Variants in PRDM1 observed in about 807,000 individuals in gnomAD.
PRDM1 encodes the protein PR/SET domain 1, also known as PR domain zinc finger protein 1.
A neutral mutation model predicts 62.8 loss-of-function variants in PRDM1; 13 were observed. That is an observed-to-expected ratio of 0.21 (90% CI 0.13 to 0.33). The LOEUF (loss-of-function observed/expected upper bound fraction) is 0.33, where lower values mean the gene tolerates loss of function less well. Ranked by LOEUF, PRDM1 falls within the 10% of genes least tolerant of loss-of-function variation. The probability of loss-of-function intolerance (pLI) is 1.00; values close to 1 mark genes in which losing one functional copy is unlikely to be tolerated. For missense variants in PRDM1, 895 were observed against 1,058.8 expected (o/e 0.85, Z 2.15); for synonymous variants, 396 against 417.6 (o/e 0.95, Z 0.63).
chr6:106,102,875 T>C (rs901537804), intron 4 of PRDM1, among the ~76,000 whole-genome samples: 5 of 152,214 alleles, frequency 3.3e-5, no homozygotes, highest in African/African-American at 1.2e-4. Context: ...TGACCCTATA[T>C]AGATGTTTCC....
At position 106,022,150 on chromosome 6, in the gene PRDM1, T is replaced by G. The variant is rs115382304; in HGVS notation, c.-67+28511T>G. On this transcript the variant is annotated intron_variant, in intron 1 of 6. Transcript: ENST00000652320. ...TGGTACTTCCATTGAAAGAGCAAGC[T>G]GTTCTAGCAGAATTCGAAATGTGAG... Among the ~76,000 whole-genome samples the G allele has an allele frequency of 8.2e-3, 1,251 of 152,344 alleles. 21 individuals carry two copies. The highest frequency in any genetic ancestry group is 0.029 in the African/African-American group (1,208 of 41,584).
At chr6:106,044,578 A>G (rs1215607928), upstream of PRDM1, among the ~76,000 whole-genome samples, 1 of 152,216 alleles carries the variant, frequency 6.6e-6, no homozygotes, top group East Asian at 1.9e-4. Flanking sequence ...GTCTTTTACC[A>G]GTGCTTCCTG....
intron 2 of PRDM1, among the ~76,000 whole-genome samples, chr6:106,094,840 C>A (rs1026566244): frequency 6.6e-6 from 1 of 151,970 alleles, no homozygotes; most frequent in Non-Finnish European, 1.5e-5. Flanking sequence ...GAGGTCAAGG[C>A]TGCAATGAGC....
At chr6:106,094,178 T>A (rs1204617294) in intron 2 of PRDM1, among the ~76,000 whole-genome samples, 1 of 152,226 alleles carries the variant, frequency 6.6e-6, no homozygotes, top group Non-Finnish European at 1.5e-5. Flanking sequence ...CCATTTCAGG[T>A]ACATGAATGT....
chr6:106,109,431 T>A lies in PRDM1; in HGVS notation c.*1945T>A, dbSNP rs1325527497. 4.3e-6 allele frequency: 1 copy of A among 233,422 alleles called. No individual in the cohort carries two copies. Among genetic ancestry groups the A allele is most frequent in the African/African-American group, 2.2e-5 (1 of 45,342 alleles). 14.5% of individuals were successfully genotyped at this position (233,422 alleles called of 1,614,324 possible). A position where few individuals can be genotyped will look rare whatever the true frequency, so the allele number is the denominator to read the frequency against. ...ATTACTCCAATCTATTTTATAATTA[T>A]ATTTGACATTTTGTTCACATCAACT... On this transcript the variant is annotated 3_prime_UTR_variant, in exon 7 of 7. Coordinates refer to ENST00000369096, the MANE Select transcript of PRDM1 (RefSeq NM_001198.4).
At chr6:106,103,947 C>T (rs1267947623) in intron 4 of PRDM1, among the ~76,000 whole-genome samples, 1 of 152,202 alleles carries the variant, frequency 6.6e-6, no homozygotes, top group South Asian at 2.1e-4. Context: ...GCTGTCTGCA[C>T]ATCGCGAGGA....
rs77193618 is a variant in PRDM1 at position 106,005,842 on chromosome 6, A to G, written c.-67+12203A>G. On this transcript the variant is annotated intron_variant, in intron 1 of 6. Transcript: ENST00000652320. ...TGATGATTCTGCTTCATGTTCTTGC[A>G]TAATTTTAGTGTTAGAAATGAGAAA... Among the ~76,000 whole-genome samples, 1,248 of 152,322 alleles carry G rather than the reference A, an allele frequency of 8.2e-3. 20 individuals are homozygous for G. Among genetic ancestry groups the G allele is most frequent in the African/African-American group, 0.029 (1,205 of 41,564 alleles).
Position 106,093,787 on chromosome 6 carries a change from G to A in PRDM1, c.292-1828G>A, listed in dbSNP as rs538391354. 5.1e-4 allele frequency among the ~76,000 whole-genome samples: 77 copies of A among 152,316 alleles called. 1 individual carries two copies. The highest frequency in any genetic ancestry group is 2.5e-3 in the Admixed American group (39 of 15,310). Reference sequence around the variant, plus strand: ...ATTAAAAGGGCAGATAGATGTAAATGAAGGCAGAGGAGGAGGATGAAATGA... The same window carrying A: ...ATTAAAAGGGCAGATAGATGTAAATAAAGGCAGAGGAGGAGGATGAAATGA... On this transcript the variant is annotated intron_variant, in intron 2 of 6. Transcript: ENST00000369096.
upstream of PRDM1, among the ~76,000 whole-genome samples, chr6:106,082,591 C>A (rs568104984): frequency 5.1e-4 from 77 of 152,276 alleles, no homozygotes; most frequent in South Asian, 0.016. Flanking sequence ...TACTCTGAGA[C>A]CTTGGACATC....
Position 106,061,825 on chromosome 6 carries a change from A to T in PRDM1, c.-67+13111A>T, listed in dbSNP as rs1005898826. Among the ~76,000 whole-genome samples the T allele has an allele frequency of 3.3e-5, 5 of 152,316 alleles. No homozygotes were observed. The Middle Eastern group carries it at 0.01, about 311-fold the overall frequency. On this transcript the variant is annotated intron_variant, in intron 1 of 6. Coordinates refer to the PRDM1 transcript ENST00000651185. ...CAAATTCAGCTCTGGCCCATCCATG[A>T]TCATTTCTACTTTAGTTAATGGAGT...
At chr6:106,052,347 ATT>A (rs766640667) in intron 1 of PRDM1, among the ~76,000 whole-genome samples, 12 of 152,098 alleles carry the variant, frequency 7.9e-5, no homozygotes, top group African/African-American at 2.9e-4. Context: ...TTTTGGCAAG[ATT>A]TTTTTTACTC....
intron 4 of PRDM1, 195 bp downstream of exon 4, chr6:106,099,747 G>GTA (rs146491489): frequency 5.4e-4 from 350 of 649,706 alleles, no homozygotes; most frequent in East Asian, 1.2e-3. Flanking sequence ...TCATTTAAAA[G>GTA]TATATATATA....
chr6:106,083,399 C>G (rs549971544), upstream of PRDM1, among the ~76,000 whole-genome samples: 3 of 151,720 alleles, frequency 2.0e-5, no homozygotes, highest in South Asian at 6.2e-4. Flanking sequence ...AAGTTCCTTT[C>G]GAAAAAAAAA....
chr6:106,008,696 T>C (rs1378925464), intron 1 of PRDM1, among the ~76,000 whole-genome samples: 1 of 152,150 alleles, frequency 6.6e-6, no homozygotes, highest in Non-Finnish European at 1.5e-5. Flanking sequence ...GGGGCTCTGA[T>C]GGTGCCCCTT....
chr6:106,072,889 T>C (rs991859668), intron 1 of PRDM1, among the ~76,000 whole-genome samples: 2 of 152,148 alleles, frequency 1.3e-5, no homozygotes, highest in African/African-American at 4.8e-5. Flanking sequence ...ACGTAGCCTA[T>C]GTTGTGTACA....
At position 106,109,685 on chromosome 6, in the gene PRDM1, A is replaced by G; in HGVS notation, c.*2199A>G. ...TCCTTTTGTGCTTTCCCATAGTGAGAATTTTTATAAAGACTTCTTGCTTCT... is the reference window on the plus strand; with the variant it reads ...TCCTTTTGTGCTTTCCCATAGTGAGGATTTTTATAAAGACTTCTTGCTTCT... On this transcript the variant is annotated 3_prime_UTR_variant, in exon 7 of 7. Transcript: ENST00000369096. The G allele has an allele frequency of 4.3e-6, 1 of 233,316 alleles. No individual in the cohort carries two copies. Among genetic ancestry groups the G allele is most frequent in the Non-Finnish European group, 8.5e-6 (1 of 117,824 alleles). The allele number at this position is 233,316 out of a possible 1,614,324, so 14.5% of individuals were successfully genotyped here.
At chr6:106,058,971 A>G (rs1773306021) in intron 1 of PRDM1, among the ~76,000 whole-genome samples, 1 of 152,232 alleles carries the variant, frequency 6.6e-6, no homozygotes, top group Non-Finnish European at 1.5e-5. Flanking sequence ...AATTTATAGC[A>G]TTCAGAGTTG....
intron 2 of PRDM1, among the ~76,000 whole-genome samples, chr6:106,091,652 C>T (rs549017360): frequency 2.7e-4 from 41 of 152,130 alleles, no homozygotes; most frequent in African/African-American, 8.2e-4. Flanking sequence ...TGGTGGTGGG[C>T]GCCTGTAATC....
chr6:106,050,212 G>A (rs1465919228), intron 1 of PRDM1, among the ~76,000 whole-genome samples: 2 of 152,020 alleles, frequency 1.3e-5, no homozygotes. Flanking sequence ...CCAGATTTCT[G>A]GTTTTATCTA....
Sources: allele counts gnomAD v4.1 joint callset (sites outside exome capture counted in the v4.1 genomes callset), GRCh38; gene constraint gnomAD v4.1.1; transcripts MANE v1.5; gene names NCBI Gene and HGNC (gene_info 2026-07-23, HGNC 2026-07-21).